TBC1D14: variants seen among roughly 807,000 people sequenced by gnomAD.
The protein encoded by TBC1D14 is TBC1 domain family member 14.
A neutral mutation model predicts 79.0 loss-of-function variants in TBC1D14; 26 were observed. The observed-to-expected ratio is 0.33, with a 90% CI of 0.24 to 0.46. The LOEUF (loss-of-function observed/expected upper bound fraction) is 0.46. Ranked by LOEUF, TBC1D14 falls within the 20% of genes least tolerant of loss-of-function variation. The probability of loss-of-function intolerance (pLI) is 1.00; values close to 1 mark genes in which losing one functional copy is unlikely to be tolerated. For missense variants in TBC1D14, 769 were observed against 887.6 expected (o/e 0.87, Z 1.70); for synonymous variants, 394 against 349.9 (o/e 1.13, Z -1.40).
intron 3 of TBC1D14, among the ~76,000 whole-genome samples, chr4:6,991,799 C>G (rs2109143958): frequency 6.6e-6 from 1 of 152,334 alleles, no homozygotes; most frequent in South Asian, 2.1e-4. Flanking sequence ...GCGTAAAGCA[C>G]TCAGAGGTGC....
chr4:6,924,208 T>G, intron 2 of TBC1D14, 97 bp downstream of exon 2: 2 of 1,447,956 alleles, frequency 1.4e-6, no homozygotes, highest in Non-Finnish European at 1.8e-6. Context: ...TCTGTGGTGT[T>G]AGGCAGGCAC....
chr4:7,007,593 A>G, intron 9 of TBC1D14: 2 of 1,289,354 alleles, frequency 1.6e-6, no homozygotes, highest in Non-Finnish European at 2.0e-6. Flanking sequence ...GAGGGAATCT[A>G]CAAAGCTCCA....
intron 3 of TBC1D14, among the ~76,000 whole-genome samples, chr4:6,979,567 A>C (rs906872989): frequency 3.3e-5 from 5 of 152,090 alleles, no homozygotes; most frequent in African/African-American, 1.2e-4. Flanking sequence ...GTTACAGTGA[A>C]CTGATTTTAC....
chr4:6,916,817 G>T (rs1000514220), intron 1 of TBC1D14, among the ~76,000 whole-genome samples: 1 of 152,212 alleles, frequency 6.6e-6, no homozygotes, highest in African/African-American at 2.4e-5. Flanking sequence ...CATTTGACTT[G>T]TGTTCAGTGC....
At position 6,967,437 on chromosome 4, in the gene TBC1D14, C is replaced by G. The variant is rs764020649; in HGVS notation, c.843+13C>G. On this transcript the variant is annotated intron_variant, in intron 3 of 13. Coordinates refer to ENST00000409757, the MANE Select transcript of TBC1D14 (RefSeq NM_020773.3). ...GAGAATACAGAAGGTACACAAGATA[C>G]AAAATCACAGAAATAGGCTGTTGGA... is the stretch of plus-strand genomic sequence containing the variant. 4 of 1,609,560 alleles carry G rather than the reference C, an allele frequency of 2.5e-6. No homozygotes were observed. The highest frequency in any genetic ancestry group is 3.4e-6 in the Non-Finnish European group (4 of 1,179,054).
At chr4:6,928,037 C>G (rs1368569217) in intron 2 of TBC1D14, among the ~76,000 whole-genome samples, 1 of 151,906 alleles carries the variant, frequency 6.6e-6, no homozygotes, top group African/African-American at 2.4e-5. Context: ...CTTTGTGAAG[C>G]CAGGGGTTTA....
intron 2 of TBC1D14, among the ~76,000 whole-genome samples, chr4:6,947,843 G>A (rs749708918): frequency 1.1e-4 from 17 of 152,130 alleles, no homozygotes; most frequent in African/African-American, 1.9e-4. Flanking sequence ...TCGTGGCAGA[G>A]TCATTTCAGG....
chr4:6,931,433 G>A (rs1345343690), intron 2 of TBC1D14, among the ~76,000 whole-genome samples: 1 of 152,198 alleles, frequency 6.6e-6, no homozygotes, highest in Non-Finnish European at 1.5e-5. Flanking sequence ...AAATCTGGGT[G>A]AGCTTCAATT....
chr4:7,010,018 G>A (rs1577165308), intron 10 of TBC1D14, 70 bp downstream of exon 10: 3 of 1,556,444 alleles, frequency 1.9e-6, no homozygotes, highest in East Asian at 2.2e-5. Flanking sequence ...TCCAGCACGT[G>A]TTAGCTGCAA....
intron 2 of TBC1D14, among the ~76,000 whole-genome samples, chr4:6,937,361 T>C (rs1738227398): frequency 6.6e-6 from 1 of 152,228 alleles, no homozygotes; most frequent in African/African-American, 2.4e-5. Flanking sequence ...CATGTTTTTT[T>C]ATAAGGGCAC....
chr4:6,933,304 CTTCCCCTTCCCT>C lies in TBC1D14; in HGVS notation c.722+9196_722+9207del, dbSNP rs1711974773. Among the ~76,000 whole-genome samples the C allele has an allele frequency of 1.2e-3, 78 of 64,138 alleles. 24 individuals are homozygous for C. Among genetic ancestry groups the C allele is most frequent in the African/African-American group, 1.4e-3 (24 of 16,780 alleles). The allele number at this position is 64,138 out of a possible 152,430, so 42.1% of individuals were successfully genotyped here. On this transcript the variant is annotated intron_variant, in intron 2 of 13. Coordinates refer to ENST00000409757, the MANE Select transcript of TBC1D14 (RefSeq NM_020773.3). ...CCTTCCCCTTCCCCTTCCCCTTCCCCTTCCCCTTCCCTTTTCTAGAGGCAGAGTCTCGCTTTG... is the reference window on the plus strand; with the variant it reads ...CCTTCCCCTTCCCCTTCCCCTTCCCCTTTCTAGAGGCAGAGTCTCGCTTTG...
intron 2 of TBC1D14, among the ~76,000 whole-genome samples, chr4:6,932,655 C>T (rs973580587): frequency 2.6e-5 from 4 of 152,168 alleles, no homozygotes; most frequent in East Asian, 3.8e-4. Flanking sequence ...CTGCATTGGC[C>T]AGCCAGGAGT....
chr4:6,978,343 T>G (rs1314410860), intron 3 of TBC1D14, among the ~76,000 whole-genome samples: 1 of 147,942 alleles, frequency 6.8e-6, no homozygotes, highest in Admixed American at 6.7e-5. Context: ...ATGGTTGCTG[T>G]GTCTGTGTAG....
intron 7 of TBC1D14, among the ~76,000 whole-genome samples, chr4:7,003,243 T>C (rs1719846168): frequency 6.6e-6 from 1 of 152,210 alleles, no homozygotes; most frequent in Non-Finnish European, 1.5e-5. Context: ...TCTTTGACAC[T>C]TTGACCCATT....
intron 3 of TBC1D14, among the ~76,000 whole-genome samples, chr4:6,993,330 C>T (rs1377782462): frequency 6.6e-6 from 1 of 152,156 alleles, no homozygotes; most frequent in East Asian, 1.9e-4. Context: ...GAAGCACCAA[C>T]CTGTTTGGCT....
chr4:7,008,003 C>T (rs1307340795), intron 9 of TBC1D14, among the ~76,000 whole-genome samples: 1 of 152,232 alleles, frequency 6.6e-6, no homozygotes, highest in African/African-American at 2.4e-5. Flanking sequence ...AGATTGCCTT[C>T]CCACTAGCTT....
intron 2 of TBC1D14, among the ~76,000 whole-genome samples, chr4:6,949,676 C>G (rs1713838056): frequency 1.6e-5 from 1 of 61,864 alleles, no homozygotes. Context: ...GAGCAAGACT[C>G]CGTCTCAAAA....
rs185107445 is a variant in TBC1D14, at chr4:7,003,336, A to G, written c.1271-1508A>G. Among the ~76,000 whole-genome samples the G allele has an allele frequency of 8.5e-5, 13 of 152,340 alleles. No homozygotes were observed. The East Asian group carries it at 2.5e-3, about 29-fold the overall frequency. On this transcript the variant is annotated intron_variant, in intron 7 of 13. Coordinates refer to ENST00000409757, the MANE Select transcript of TBC1D14 (RefSeq NM_020773.3). Reference sequence around the variant, plus strand: ...GATTCCCTAGTGGCCATGGCCACACAGTGGTTTTCATCCACCTCCTGCCAA... The same window carrying G: ...GATTCCCTAGTGGCCATGGCCACACGGTGGTTTTCATCCACCTCCTGCCAA...
At chr4:6,955,700 T>C (rs1714567715) in intron 2 of TBC1D14, among the ~76,000 whole-genome samples, 1 of 152,154 alleles carries the variant, frequency 6.6e-6, no homozygotes, top group Non-Finnish European at 1.5e-5. Flanking sequence ...GTGTATGGTA[T>C]CTTGAGGGAG....
Sources: allele counts gnomAD v4.1 joint callset (sites outside exome capture counted in the v4.1 genomes callset), GRCh38; gene constraint gnomAD v4.1.1; transcripts MANE v1.5; gene names NCBI Gene and HGNC (gene_info 2026-07-23, HGNC 2026-07-21).